Variants in DCDC2B observed in about 807,000 individuals in gnomAD.
DCDC2B encodes doublecortin domain-containing protein 2B.
A neutral mutation model predicts 38.9 loss-of-function variants in DCDC2B; 41 were observed. The ratio of observed to expected loss-of-function variants is 1.05; its 90% confidence interval spans 0.82 to 1.37. The LOEUF (loss-of-function observed/expected upper bound fraction) is 1.37, where lower values mean the gene tolerates loss of function less well. Among genes scored for constraint, DCDC2B ranks in the 40% most tolerant of loss-of-function variants. The pLI, the probability that DCDC2B is intolerant of heterozygous loss-of-function variation, is 0.00. For missense variants in DCDC2B, 453 were observed against 427.2 expected (o/e 1.06, Z -0.53); for synonymous variants, 181 against 171.9 (o/e 1.05, Z -0.41).
At chr1:32,209,755 G>C (rs1440191176) in intron 1 of DCDC2B, among the ~76,000 whole-genome samples, 8 of 152,124 alleles carry the variant, frequency 5.3e-5, no homozygotes, top group Non-Finnish European at 1.0e-4. Flanking sequence ...CTCCCGTTAG[G>C]CTAGGGCCAT....
At position 32,215,459 on chromosome 1, in the gene DCDC2B, A is replaced by T; in HGVS notation, c.870A>T (p.Gly290=). 6.2e-7 allele frequency: 1 copy of T among 1,612,876 alleles called. No individual in the cohort carries two copies. The highest frequency in any genetic ancestry group is 8.5e-7 in the Non-Finnish European group (1 of 1,179,650). ...CTTTAGGAGTTATAGGAGTATATGGAGCTCCCCACCGAAGGAAGGAGACAG... is the reference window on the plus strand; with the variant it reads ...CTTTAGGAGTTATAGGAGTATATGGTGCTCCCCACCGAAGGAAGGAGACAG... ...SFPSGVIGVY[G]APHRRKETAG... is the part of the protein sequence containing the mutation. The change falls in exon 8 of 9, where the codon GGA becomes GGT. Residue 290 remains glycine (G), a synonymous_variant. Transcript: ENST00000409358.
chr1:32,212,158 C>A lies in DCDC2B; in HGVS notation c.484C>A (p.Leu162Ile). 1 of 1,613,852 alleles carries A rather than the reference C, an allele frequency of 6.2e-7. No homozygotes were observed. The highest frequency in any genetic ancestry group is 1.7e-5 in the Admixed American group (1 of 60,018). ...CCAGGACTGGGAAACTGTGTTGAAGCTCCTGACTGAGAAGGTCAAGTTGCA... is the reference window on the plus strand; with the variant it reads ...CCAGGACTGGGAAACTGTGTTGAAGATCCTGACTGAGAAGGTCAAGTTGCA... ...ASQDWETVLK[L>I]LTEKVKLQSG... Residue 162 changes from leucine to isoleucine, a missense_variant, in exon 4 of 9, where the codon CTC becomes ATC. Leu to Ile is a conservative substitution (Grantham distance 5). Transcript: ENST00000409358.
intron 1 of DCDC2B, among the ~76,000 whole-genome samples, chr1:32,210,480 A>G (rs1377253542): frequency 6.6e-6 from 1 of 151,668 alleles, no homozygotes; most frequent in South Asian, 2.1e-4. Flanking sequence ...CCTGGGGGAC[A>G]GAGTGAGACT....
Position 32,212,543 on chromosome 1 carries a change from G to A in DCDC2B, c.581G>A (p.Gly194Asp). ...TCAGCAGGGAAGGAGCTGGTAACTG[G>A]CCATTACTATGTGGCTGTCGGAGAG... ...PLSAGKELVT[G>D]HYYVAVGEDE... is the part of the protein sequence containing the mutation. Residue 194 changes from glycine to aspartate, a missense_variant, in exon 5 of 9, where the codon GGC (glycine) becomes GAC (aspartate). Coordinates refer to ENST00000409358, the MANE Select transcript of DCDC2B (RefSeq NM_001099434.2). 6.2e-7 allele frequency: 1 copy of A among 1,614,012 alleles called. No individual in the cohort carries two copies. Among genetic ancestry groups the A allele is most frequent in the East Asian group, 2.2e-5 (1 of 44,884 alleles).
intron 6 of DCDC2B, chr1:32,214,498 C>T: frequency 2.7e-6 from 1 of 369,306 alleles, no homozygotes; most frequent in Non-Finnish European, 5.0e-6. Context: ...TTATATTATC[C>T]AGCTCTAAGC....
In DCDC2B at chr1:32,212,466, ATCC is replaced by A. The variant is rs375113534; in HGVS notation, c.528-18_528-16del. 1.4e-5 allele frequency: 22 copies of A among 1,612,248 alleles called. No individual in the cohort carries two copies. The African/African-American group carries it at 1.9e-4, about 14-fold the overall frequency. ...AGAAGCATCGAGTCTACCAGCCCTT[ATCC>A]TCCTCACCTCTCTCTCCCAGACTCT... On this transcript the variant is annotated intron_variant, in intron 4 of 8. Transcript: ENST00000409358.
chr1:32,210,993 G>A (rs1643562672), intron 1 of DCDC2B, among the ~76,000 whole-genome samples: 1 of 152,168 alleles, frequency 6.6e-6, no homozygotes. Context: ...GGCGTGAGCT[G>A]CCATGCCCAG....
intron 1 of DCDC2B, among the ~76,000 whole-genome samples, chr1:32,209,952 G>C (rs1045038529): frequency 1.3e-5 from 2 of 152,182 alleles, no homozygotes; most frequent in Non-Finnish European, 2.9e-5. Flanking sequence ...TAACACTTTG[G>C]GAGGCCAAGG....
intron 7 of DCDC2B, 168 bp from the exon 8 acceptor site, chr1:32,215,272 T>C: frequency 1.6e-6 from 1 of 610,444 alleles, no homozygotes; most frequent in Non-Finnish European, 2.9e-6. Flanking sequence ...ATAGAGGGGA[T>C]GGGGGTGGGA....
At chr1:32,213,086 T>TG (rs1350620979) in intron 6 of DCDC2B, among the ~76,000 whole-genome samples, 1 of 152,004 alleles carries the variant, frequency 6.6e-6, no homozygotes, top group Non-Finnish European at 1.5e-5. Context: ...TTAGTAGAGA[T>TG]GGGGTTTCAC....
chr1:32,211,737 T>G, intron 2 of DCDC2B, 24 bp from the exon 3 acceptor site: 1 of 1,589,076 alleles, frequency 6.3e-7, no homozygotes, highest in African/African-American at 1.3e-5. Context: ...CTCTCCTGAT[T>G]TGGAGGCCTG....
At position 32,214,782 on chromosome 1, in the gene DCDC2B, G is replaced by T; in HGVS notation, c.715-15G>T. On this transcript the variant is annotated splice_polypyrimidine_tract_variant and intron_variant, in intron 6 of 8. Transcript: ENST00000409358. ...GGCCAGCAATCAGGGTCCAAGCCCA[G>T]TGTCCCTTCTCTAGGCCCAAGGCCA... 2 of 1,613,854 alleles carry T rather than the reference G, an allele frequency of 1.2e-6. No individual in the cohort carries two copies. The highest frequency in any genetic ancestry group is 2.2e-5 in the East Asian group (1 of 44,890).
At chr1:32,211,435 G>A (rs1219906365) in intron 2 of DCDC2B, 112 bp downstream of exon 2, 13 of 1,091,254 alleles carry the variant, frequency 1.2e-5, no homozygotes, top group Non-Finnish European at 1.7e-5. Flanking sequence ...CAGTTCCAGG[G>A]GGGTACTTTG....
Position 32,215,957 on chromosome 1 carries a change from C to A in DCDC2B, c.*60C>A. ...TACTCTGGCCACCTTTTGTCCTTAG[C>A]CTCCAGCAGCTTGTTCCTCAGGAGC... On this transcript the variant is annotated 3_prime_UTR_variant, in exon 9 of 9. Coordinates refer to ENST00000409358, the MANE Select transcript of DCDC2B (RefSeq NM_001099434.2). The A allele has an allele frequency of 2.9e-6, 4 of 1,382,226 alleles. No individual in the cohort carries two copies. Among genetic ancestry groups the A allele is most frequent in the South Asian group, 1.2e-5 (1 of 80,140 alleles). The allele number at this position is 1,382,226 out of a possible 1,614,324, so 85.6% of individuals were successfully genotyped here.
rs1343769938 is a variant in DCDC2B at position 32,212,619 on chromosome 1, C to T, written c.657C>T (p.Ser219=). The T allele has an allele frequency of 2.5e-6, 4 of 1,613,990 alleles. No individual in the cohort carries two copies. The highest frequency in any genetic ancestry group is 2.5e-6 in the Non-Finnish European group (3 of 1,179,886). The change falls in exon 5 of 9, where the codon TCC becomes TCT. Residue 219 remains serine, a synonymous_variant. Transcript: ENST00000409358. ...PYLELLVPSP[S]LPRGCWQPPG... ...TGGAGCTGCTGGTGCCCAGCCCCTC[C>T]CTGCCCAGGGGCTGCTGGTATGTAT...
chr1:32,212,791 G>A lies in DCDC2B; in HGVS notation c.712G>A (p.Gly238Arg), dbSNP rs753585707. 83 of 1,613,644 alleles carry A rather than the reference G, an allele frequency of 5.1e-5. No individual in the cohort carries two copies. Among genetic ancestry groups the A allele is most frequent in the Non-Finnish European group, 6.9e-5 (81 of 1,179,894 alleles). Residue 238 changes from glycine (G) to arginine (R), a missense_variant and splice_region_variant, in exon 6 of 9, where the codon GGG (glycine) becomes AGG (arginine). Coordinates refer to ENST00000409358, the MANE Select transcript of DCDC2B (RefSeq NM_001099434.2). ...PGSKSRPHRQGAQGHRAQVTQ... is the reference protein window; with the variant it reads ...PGSKSRPHRQRAQGHRAQVTQ... The stretch of plus-strand genomic sequence containing the variant: ...CTCGAAGTCTAGGCCCCACAGGCAG[G>A]GGGTAGGTGACGCAGGGGACAATGA...
intron 3 of DCDC2B, 61 bp downstream of exon 3, chr1:32,211,898 G>A (rs576186907): frequency 1.3e-6 from 2 of 1,562,014 alleles, no homozygotes; most frequent in South Asian, 1.2e-5. Context: ...CCAAGAAAAT[G>A]GTGTTGGGTT....
chr1:32,214,821 AC>A lies in DCDC2B; in HGVS notation c.742del (p.Gln248SerfsTer39). On this transcript the variant is annotated frameshift_variant, in exon 7 of 9. Transcript: ENST00000409358. LOFTEE classifies it high-confidence loss of function. Reference sequence around the variant, plus strand: ...GGCCCAAGGCCACAGGGCCCAGGTAACCCAGCCCTCTCCAAAGGAACCAGAC... The same window carrying A: ...GGCCCAAGGCCACAGGGCCCAGGTAACCAGCCCTCTCCAAAGGAACCAGAC... ...QGAQGHRAQV[T>X]QPSPKEPDRI... 6.2e-7 allele frequency: 1 copy of A among 1,613,932 alleles called. No individual in the cohort carries two copies. The highest frequency in any genetic ancestry group is 8.5e-7 in the Non-Finnish European group (1 of 1,179,886).
chr1:32,214,687 C>T, intron 6 of DCDC2B, 110 bp from the exon 7 acceptor site: 2 of 1,484,658 alleles, frequency 1.3e-6, no homozygotes, highest in Non-Finnish European at 1.8e-6. Flanking sequence ...GACGGTGTCT[C>T]CTCTGCCATG....
Sources: gnomAD v4.1 joint callset for allele counts (sites outside exome capture counted in the v4.1 genomes callset) on GRCh38, gnomAD v4.1.1 for gene constraint, MANE v1.5 for transcripts, NCBI Gene and HGNC (gene_info 2026-07-23, HGNC 2026-07-21) for gene names.